Variants in ENTREP2 observed in about 807,000 individuals in gnomAD.
The protein encoded by ENTREP2 is endosomal transmembrane epsin interactor 2.
chr15:29,664,487 G>A, the ENTREP2 span, among the ~76,000 whole-genome samples: 2 of 148,096 alleles, frequency 1.4e-5, no homozygotes, highest in Non-Finnish European at 3.0e-5. Context: ...ACTGCCTGAT[G>A]TTCCCTCCCT....
chr15:29,655,981 G>A, the ENTREP2 span, among the ~76,000 whole-genome samples: 4 of 140,976 alleles, frequency 2.8e-5, no homozygotes, highest in Admixed American at 7.4e-5. Flanking sequence ...GCGAGATCAC[G>A]CCACCGCACT....
At chr15:29,128,793 A>C in the ENTREP2 span, 1 of 1,550,802 alleles carries the variant, frequency 6.4e-7, no homozygotes, top group South Asian at 1.2e-5. Context: ...GCTTACCTGG[A>C]GTGCTGAAGC....
At chr15:29,258,616 G>A in the ENTREP2 span, among the ~76,000 whole-genome samples, 960 of 151,686 alleles carry the variant, frequency 6.3e-3, 14 homozygotes, top group African/African-American at 0.022. Flanking sequence ...CCATTTTTAT[G>A]TGTGCAGTTT....
chr15:29,361,585 T>C, the ENTREP2 span, among the ~76,000 whole-genome samples: 1 of 152,166 alleles, frequency 6.6e-6, no homozygotes, highest in Non-Finnish European at 1.5e-5. Flanking sequence ...AAATACCATA[T>C]CTTAACCTTC....
chr15:29,500,909 C>A, the ENTREP2 span, among the ~76,000 whole-genome samples: 1 of 151,782 alleles, frequency 6.6e-6, no homozygotes, highest in African/African-American at 2.4e-5. Context: ...GAGAGAATAT[C>A]ATAATTCTAA....
chr15:29,297,041 A>AT, the ENTREP2 span, among the ~76,000 whole-genome samples: 1 of 144,050 alleles, frequency 6.9e-6, no homozygotes, highest in African/African-American at 2.9e-5. Flanking sequence ...GAAACCTACC[A>AT]TAAAAAATCT....
chr15:29,504,895 A>C, the ENTREP2 span, among the ~76,000 whole-genome samples: 20 of 152,376 alleles, frequency 1.3e-4, no homozygotes, highest in African/African-American at 4.8e-4. Flanking sequence ...AAAGCCTTGA[A>C]AACATATTTA....
At chr15:29,654,341 A>G in the ENTREP2 span, among the ~76,000 whole-genome samples, 160 of 152,354 alleles carry the variant, frequency 1.1e-3, no homozygotes, top group African/African-American at 3.8e-3. Flanking sequence ...TTTTGTGCCA[A>G]TACTACATTG....
the ENTREP2 span, among the ~76,000 whole-genome samples, chr15:29,247,865 G>A: frequency 2.6e-5 from 4 of 152,182 alleles, no homozygotes; most frequent in African/African-American, 9.6e-5. Context: ...AGACCCAGAG[G>A]TAAAGAACCA....
At chr15:29,396,294 T>C in the ENTREP2 span, among the ~76,000 whole-genome samples, 84,292 of 151,344 alleles carry the variant, frequency 0.56, 26,158 homozygotes, top group Admixed American at 0.68. Context: ...GCAACTACGC[T>C]TCTCCTCTCT....
the ENTREP2 span, among the ~76,000 whole-genome samples, chr15:29,195,700 T>A: frequency 6.6e-6 from 1 of 151,940 alleles, no homozygotes; most frequent in East Asian, 1.9e-4. Context: ...AATTTTTGTA[T>A]TTTTAGTAGA....
chr15:29,278,640 A>G, the ENTREP2 span, among the ~76,000 whole-genome samples: 1 of 152,254 alleles, frequency 6.6e-6, no homozygotes, highest in Admixed American at 6.5e-5. Context: ...TTGCCACCTC[A>G]TACTTTTTCA....
chr15:29,421,196 T>C, the ENTREP2 span, among the ~76,000 whole-genome samples: 5 of 152,304 alleles, frequency 3.3e-5, no homozygotes, highest in African/African-American at 1.2e-4. Flanking sequence ...AGCTATTGAT[T>C]AAGGCGAGGC....
At chr15:29,590,373 A>G in the ENTREP2 span, among the ~76,000 whole-genome samples, 1 of 152,090 alleles carries the variant, frequency 6.6e-6, no homozygotes, top group Non-Finnish European at 1.5e-5. Context: ...GGTTCTGAAA[A>G]CAACAGCAGC....
chr15:29,146,647 CT>C, the ENTREP2 span, among the ~76,000 whole-genome samples: 14 of 152,090 alleles, frequency 9.2e-5, no homozygotes, highest in Admixed American at 7.2e-4. Flanking sequence ...GTCTAAACAC[CT>C]ATGTGCAGGC....
At chr15:29,649,523 C>G in the ENTREP2 span, among the ~76,000 whole-genome samples, 1 of 151,934 alleles carries the variant, frequency 6.6e-6, no homozygotes, top group Non-Finnish European at 1.5e-5. Context: ...GAGTTTGAGA[C>G]CAGCCTGGCC....
chr15:29,194,130 G>A, the ENTREP2 span, among the ~76,000 whole-genome samples: 24 of 152,320 alleles, frequency 1.6e-4, no homozygotes, highest in Admixed American at 1.3e-3. Flanking sequence ...AATTTATATG[G>A]AATTACAAAG....
At chr15:29,234,153 G>A in the ENTREP2 span, 20 of 1,575,798 alleles carry the variant, frequency 1.3e-5, no homozygotes, top group East Asian at 2.2e-5. Context: ...TGTCATTCTC[G>A]TTCACTCTCA....
chr15:29,642,471 C>T, the ENTREP2 span, among the ~76,000 whole-genome samples: 2 of 146,258 alleles, frequency 1.4e-5, no homozygotes, highest in African/African-American at 2.5e-5. Flanking sequence ...CATATATATA[C>T]TGTATATACA....
Sources: gnomAD v4.1 joint callset for allele counts (sites outside exome capture counted in the v4.1 genomes callset) on GRCh38, gnomAD v4.1.1 for gene constraint, MANE v1.5 for transcripts, NCBI Gene and HGNC (gene_info 2026-07-23, HGNC 2026-07-21) for gene names.